ATG14: variants seen among roughly 807,000 people sequenced by gnomAD.
ATG14 encodes autophagy related 14.
In ATG14, 35 loss-of-function variants were observed where a neutral mutation model predicts 60.4. That is an observed-to-expected ratio of 0.58 (90% CI 0.44 to 0.77). The LOEUF (loss-of-function observed/expected upper bound fraction) is 0.77. Among genes scored for constraint, ATG14 ranks in the 30% least tolerant of loss-of-function variants. The probability of loss-of-function intolerance (pLI) is 0.00; values close to 1 mark genes in which losing one functional copy is unlikely to be tolerated. For missense variants in ATG14, 647 were observed against 626.3 expected (o/e 1.03, Z -0.35); for synonymous variants, 234 against 228.8 (o/e 1.02, Z -0.21).
intron 9 of ATG14, among the ~76,000 whole-genome samples, chr14:55,371,790 C>T (rs574432237): frequency 1.6e-4 from 25 of 152,014 alleles, no homozygotes; most frequent in Admixed American, 9.2e-4. Flanking sequence ...GGCGACAGAG[C>T]GAGACTCTGT....
At chr14:55,411,466 C>T in intron 1 of ATG14, 136 bp downstream of exon 1, 2 of 873,010 alleles carry the variant, frequency 2.3e-6, no homozygotes, top group Non-Finnish European at 3.4e-6. Flanking sequence ...TGCAGAGCAG[C>T]TAGCTACACT....
intron 9 of ATG14, among the ~76,000 whole-genome samples, chr14:55,372,819 C>G (rs1355262426): frequency 6.6e-6 from 1 of 152,092 alleles, no homozygotes; most frequent in East Asian, 1.9e-4. Context: ...GCAGAAGGGA[C>G]AGAGAGGAGG....
At position 55,384,982 on chromosome 14, in the gene ATG14, C is replaced by T. The variant is rs137909228; in HGVS notation, c.647+877G>A. 2.6e-5 allele frequency among the ~76,000 whole-genome samples: 4 copies of T among 152,326 alleles called. No individual in the cohort carries two copies. The East Asian group carries it at 7.7e-4, about 29-fold the overall frequency. ...ACAGCCAGATGGGGGAACCACTGTC[C>T]TGTCTGTCCCACCAGGGGTTATCCA... On this transcript the variant is annotated intron_variant, in intron 5 of 9. Coordinates refer to ENST00000247178, the MANE Select transcript of ATG14 (RefSeq NM_014924.5).
rs1885040740 is a variant in ATG14, at chr14:55,381,951, C to G, written c.877+11G>C. 5 of 1,603,680 alleles carry G rather than the reference C, an allele frequency of 3.1e-6. No individual in the cohort carries two copies. In the South Asian group the frequency reaches 4.4e-5, roughly 14 times the overall value. On this transcript the variant is annotated intron_variant, in intron 6 of 9. Transcript: ENST00000247178. ...CTATATATAGATTTCAAAGGATATG[C>G]TGCTTCTCACCAGGCCCCTGGGTTG...
intron 9 of ATG14, 32 bp from the exon 10 acceptor site, chr14:55,369,957 T>G: frequency 6.5e-7 from 1 of 1,545,230 alleles, no homozygotes; most frequent in Non-Finnish European, 8.7e-7. Context: ...CTCTTTAGGA[T>G]AACAACCATT....
At chr14:55,383,735 C>T (rs1280758186) in intron 5 of ATG14, among the ~76,000 whole-genome samples, 2 of 151,824 alleles carry the variant, frequency 1.3e-5, no homozygotes, top group Non-Finnish European at 2.9e-5. Context: ...CCAGCCTGGG[C>T]AACAGAATGA....
chr14:55,368,612 G>C lies in ATG14; in HGVS notation c.*1007C>G, dbSNP rs1884738626. ...GCGCTGCATTTCTGAGCAAAGCTGT[G>C]TCCTCAGAGCAACAAAGAGTTCGGG... On this transcript the variant is annotated 3_prime_UTR_variant, in exon 10 of 10. Coordinates refer to ENST00000247178, the MANE Select transcript of ATG14 (RefSeq NM_014924.5). 1.3e-5 allele frequency: 2 copies of C among 152,324 alleles called. No individual in the cohort carries two copies. The highest frequency in any genetic ancestry group is 4.1e-4 in the South Asian group (2 of 4,828). The allele number at this position is 152,324 out of a possible 1,614,324, so 9.4% of individuals were successfully genotyped here.
At chr14:55,380,873 ATATT>A (rs1885020048) in intron 6 of ATG14, among the ~76,000 whole-genome samples, 183 bp from the exon 7 acceptor site, 1 of 90,896 alleles carries the variant, frequency 1.1e-5, no homozygotes, top group African/African-American at 6.6e-5. Context: ...ATATATATAT[ATATT>A]TTTTTTTTTT....
chr14:55,394,078 C>T (rs111293419), intron 3 of ATG14, among the ~76,000 whole-genome samples: 2,800 of 150,214 alleles, frequency 0.019, 83 homozygotes, highest in African/African-American at 0.061. Flanking sequence ...GCAATCTCGG[C>T]TCACTGTGAT....
intron 3 of ATG14, chr14:55,395,209 T>A (rs1049016789): frequency 2.5e-6 from 1 of 398,230 alleles, no homozygotes; most frequent in South Asian, 2.1e-5. Flanking sequence ...GCCCATTCAG[T>A]GGAGCTGACC....
intron 4 of ATG14, among the ~76,000 whole-genome samples, chr14:55,387,229 G>A (rs1030476574): frequency 2.8e-4 from 43 of 152,130 alleles, no homozygotes; most frequent in African/African-American, 9.9e-4. Flanking sequence ...CCTCCAAATT[G>A]GTACATATCC....
At chr14:55,373,593 G>A (rs929556925) in intron 9 of ATG14, among the ~76,000 whole-genome samples, 2 of 152,056 alleles carry the variant, frequency 1.3e-5, no homozygotes, top group Non-Finnish European at 1.5e-5. Flanking sequence ...CCAAGTAGCT[G>A]GGGTTACAGG....
At chr14:55,393,112 T>C (rs1318456307) in intron 3 of ATG14, among the ~76,000 whole-genome samples, 1 of 152,210 alleles carries the variant, frequency 6.6e-6, no homozygotes, top group African/African-American at 2.4e-5. Flanking sequence ...CTGGGCGCGG[T>C]GGCTCACGCC....
At chr14:55,378,199 A>G (rs1326804004) in intron 7 of ATG14, 125 bp from the exon 8 acceptor site, 5 of 709,946 alleles carry the variant, frequency 7.0e-6, no homozygotes, top group African/African-American at 3.6e-5. Flanking sequence ...AGTAAATTGC[A>G]CTTAAAGACT....
rs966479414 is a variant in ATG14 at position 55,367,625 on chromosome 14, T to C, written c.*1994A>G. The C allele has an allele frequency of 2.6e-5, 4 of 152,016 alleles. No homozygotes were observed. The highest frequency in any genetic ancestry group is 1.3e-4 in the Admixed American group (2 of 15,242). The allele number at this position is 152,016 out of a possible 1,614,324, so 9.4% of individuals were successfully genotyped here. ...TGGGCATGATGGCAGGTGCCTATAA[T>C]CCCAGCTACTCGGGAGGTTGAGATG... On this transcript the variant is annotated 3_prime_UTR_variant, in exon 10 of 10. Transcript: ENST00000247178.
At chr14:55,411,452 C>G in intron 1 of ATG14, 150 bp downstream of exon 1, 1 of 792,496 alleles carries the variant, frequency 1.3e-6, no homozygotes, top group South Asian at 1.8e-5. Flanking sequence ...TAGCAAAGCT[C>G]CGGTGCAGAG....
rs574886591 is a variant in ATG14 at position 55,396,574 on chromosome 14, C to T, written c.285-592G>A. 2.6e-5 allele frequency among the ~76,000 whole-genome samples: 4 copies of T among 152,242 alleles called. No individual in the cohort carries two copies. The South Asian group carries it at 6.2e-4, about 24-fold the overall frequency. On this transcript the variant is annotated intron_variant, in intron 2 of 9. Transcript: ENST00000247178. ...TGGCCTGAGCATTAACTGTTTTCATCGGGGGTGTGAGACATCCACGTTGGC... is the reference window on the plus strand; with the variant it reads ...TGGCCTGAGCATTAACTGTTTTCATTGGGGGTGTGAGACATCCACGTTGGC...
chr14:55,397,539 T>C (rs887390638), intron 1 of ATG14, 105 bp from the exon 2 acceptor site: 4 of 896,900 alleles, frequency 4.5e-6, no homozygotes, highest in Non-Finnish European at 5.4e-6. Context: ...CATGTGAAAA[T>C]GTCATTGTCC....
At chr14:55,411,579 T>G (rs752710145) in intron 1 of ATG14, 23 bp downstream of exon 1, 1 of 1,588,300 alleles carries the variant, frequency 6.3e-7, no homozygotes, top group Admixed American at 1.8e-5. Flanking sequence ...GAAGAAACAA[T>G]AGGGCCGTGG....
Sources: allele counts gnomAD v4.1 joint callset (sites outside exome capture counted in the v4.1 genomes callset), GRCh38; gene constraint gnomAD v4.1.1; transcripts MANE v1.5; gene names NCBI Gene and HGNC (gene_info 2026-07-23, HGNC 2026-07-21).